The following SORD variants were observed in gnomAD, a reference collection of about 807,000 sequenced individuals.
SORD encodes sorbitol dehydrogenase.
Under a neutral mutation model 35.6 loss-of-function variants are expected in SORD, and 18 were observed. That is an observed-to-expected ratio of 0.51 (90% CI 0.35 to 0.75). The LOEUF (loss-of-function observed/expected upper bound fraction) is 0.75. Among genes scored for constraint, SORD ranks in the 30% least tolerant of loss-of-function variants. The pLI, the probability that SORD is intolerant of heterozygous loss-of-function variation, is 0.01. For synonymous variants in SORD, 106 were observed against 152.9 expected (o/e 0.69, Z 2.26); for missense variants, 250 against 390.2 (o/e 0.64, Z 3.03).
chr15:45,056,668 C>T (rs1421439651), intron 3 of SORD, among the ~76,000 whole-genome samples: 1 of 152,270 alleles, frequency 6.6e-6, no homozygotes, highest in East Asian at 1.9e-4. Flanking sequence ...TACCTGTTTT[C>T]ATTTTAAGTG....
At chr15:45,061,534 T>C (rs1243531840) in intron 4 of SORD, among the ~76,000 whole-genome samples, 1 of 152,152 alleles carries the variant, frequency 6.6e-6, no homozygotes, top group Non-Finnish European at 1.5e-5. Flanking sequence ...GTTCATCCTC[T>C]GTTATTAGTT....
chr15:45,066,865 C>T (rs1245628866), intron 5 of SORD, among the ~76,000 whole-genome samples: 1 of 152,086 alleles, frequency 6.6e-6, no homozygotes, highest in Non-Finnish European at 1.5e-5. Flanking sequence ...GGATCCAGTA[C>T]CTTTTTACCA....
chr15:45,023,341 T>C lies in SORD; in HGVS notation c.58T>C (p.Leu20=). The C allele has an allele frequency of 6.3e-7, 1 of 1,577,900 alleles. No homozygotes were observed. Among genetic ancestry groups the C allele is most frequent in the East Asian group, 2.4e-5 (1 of 41,144 alleles). ...LSLVVHGPGD[L]RLENYPIPEP... is the part of the protein sequence containing the mutation. Reference sequence around the variant, plus strand: ...CCTGGTGGTGCACGGACCGGGGGACTTGCGCCTGGTAAGCTGGGAAGGAGG... The same window carrying C: ...CCTGGTGGTGCACGGACCGGGGGACCTGCGCCTGGTAAGCTGGGAAGGAGG... Residue 20 remains leucine, a synonymous_variant, in exon 1 of 9, where the codon TTG becomes CTG. Coordinates refer to ENST00000267814, the MANE Select transcript of SORD (RefSeq NM_003104.6).
chr15:45,057,835 G>C (rs1028210451), intron 3 of SORD, among the ~76,000 whole-genome samples: 2 of 152,126 alleles, frequency 1.3e-5, no homozygotes, highest in African/African-American at 4.8e-5. Context: ...GGCAGTGCTG[G>C]GCACAAAGCC....
Position 45,042,515 on chromosome 15 carries a change from T to TAAAG in SORD, c.101-739_101-738insGAAA, listed in dbSNP as rs541276579. The stretch of plus-strand genomic sequence containing the variant: ...TAAAAATAAAAAATAAATAAATAAA[T>TAAAG]AAATAAATAAATAAAGGAAAGAAAA... On this transcript the variant is annotated intron_variant, in intron 2 of 8. Coordinates refer to ENST00000267814, the MANE Select transcript of SORD (RefSeq NM_003104.6). 153 of 149,728 alleles carry TAAAG rather than the reference T, an allele frequency of 1.0e-3. 1 individual carries two copies. The highest frequency in any genetic ancestry group is 3.7e-3 in the African/African-American group (148 of 39,816). The allele number at this position is 149,728 out of a possible 1,614,324, so 9.3% of individuals were successfully genotyped here.
At chr15:45,063,136 CCTTT>C (rs912845986) in intron 4 of SORD, among the ~76,000 whole-genome samples, 2 of 146,006 alleles carry the variant, frequency 1.4e-5, no homozygotes, top group African/African-American at 5.2e-5. Context: ...TACAGCCCTG[CCTTT>C]CTTCTCCTCC....
At chr15:45,072,721 C>T (rs1893532347) in intron 8 of SORD, among the ~76,000 whole-genome samples, 1 of 141,810 alleles carries the variant, frequency 7.1e-6, no homozygotes, top group Non-Finnish European at 1.5e-5. Context: ...CCTTTTTTCC[C>T]CCTATTTTCT....
intron 3 of SORD, among the ~76,000 whole-genome samples, chr15:45,046,494 C>T (rs1322789553): frequency 6.6e-6 from 1 of 152,194 alleles, no homozygotes; most frequent in Non-Finnish European, 1.5e-5. Flanking sequence ...CAGCCCTCCT[C>T]GGCCTCCCAG....
chr15:45,055,055 A>G (rs968952220), intron 3 of SORD, among the ~76,000 whole-genome samples: 1 of 152,068 alleles, frequency 6.6e-6, no homozygotes, highest in African/African-American at 2.4e-5. Flanking sequence ...GTAGCCTTGT[A>G]GTATAGTTTG....
At chr15:45,037,220 A>G (rs192417891) in intron 1 of SORD, among the ~76,000 whole-genome samples, 1 of 152,388 alleles carries the variant, frequency 6.6e-6, no homozygotes, top group African/African-American at 2.4e-5. Context: ...GTTCTGCTAC[A>G]GGCACAGCAC....
At chr15:45,072,496 C>T (rs1357877570) in intron 8 of SORD, 58 bp downstream of exon 8, 52 of 216,682 alleles carry the variant, frequency 2.4e-4, no homozygotes, top group Non-Finnish European at 4.3e-4. Flanking sequence ...ATGGCAGGCC[C>T]CACTCAGCCT....
intron 3 of SORD, among the ~76,000 whole-genome samples, chr15:45,056,176 G>A (rs79657302): frequency 7.9e-5 from 12 of 151,640 alleles, no homozygotes; most frequent in Admixed American, 3.3e-4. Context: ...AGGGTATTCA[G>A]TTAGGAAAAG....
At chr15:45,028,868 T>G (rs1892722887) in intron 1 of SORD, among the ~76,000 whole-genome samples, 1 of 152,240 alleles carries the variant, frequency 6.6e-6, no homozygotes, top group African/African-American at 2.4e-5. Flanking sequence ...CTGTTAAGAT[T>G]TTGGGGTGAG....
At chr15:45,055,183 A>G (rs1039818249) in intron 3 of SORD, among the ~76,000 whole-genome samples, 2 of 152,198 alleles carry the variant, frequency 1.3e-5, no homozygotes, top group Non-Finnish European at 2.9e-5. Context: ...TTCTGTAAAG[A>G]AAGTCATTGG....
chr15:45,047,227 T>A (rs1179054449), intron 3 of SORD: 5 of 152,140 alleles, frequency 3.3e-5, no homozygotes. Flanking sequence ...TCACCACTTA[T>A]TTTAATGAGC....
intron 1 of SORD, among the ~76,000 whole-genome samples, chr15:45,038,857 G>A (rs1269182295): frequency 6.6e-6 from 1 of 152,090 alleles, no homozygotes; most frequent in Admixed American, 6.5e-5. Flanking sequence ...TCCTCCCAGA[G>A]TTTTCTTCAT....
chr15:45,067,745 A>G (rs1893430032), intron 5 of SORD, among the ~76,000 whole-genome samples: 1 of 152,138 alleles, frequency 6.6e-6, no homozygotes. Context: ...CTCAGAGGGC[A>G]CCTAAAAGGA....
chr15:45,038,297 G>A (rs1339340863), intron 1 of SORD, among the ~76,000 whole-genome samples: 13 of 152,112 alleles, frequency 8.5e-5, no homozygotes, highest in Non-Finnish European at 1.9e-4. Context: ...TACTGCCTTA[G>A]TGTTACCATG....
At chr15:45,024,076 T>G (rs768261320) in intron 1 of SORD, among the ~76,000 whole-genome samples, 5 of 152,202 alleles carry the variant, frequency 3.3e-5, no homozygotes, top group Non-Finnish European at 5.9e-5. Flanking sequence ...ATGTGTGTCC[T>G]CTGCCTTAGA....
Sources: allele counts gnomAD v4.1 joint callset (sites outside exome capture counted in the v4.1 genomes callset), GRCh38; gene constraint gnomAD v4.1.1; transcripts MANE v1.5; gene names NCBI Gene and HGNC (gene_info 2026-07-23, HGNC 2026-07-21).